The following TRPC7 variants were observed in gnomAD, a reference collection of about 807,000 sequenced individuals.
The protein encoded by TRPC7 is transient receptor potential cation channel subfamily C member 7, also known as short transient receptor potential channel 7.
Under a neutral mutation model 90.1 loss-of-function variants are expected in TRPC7, and 42 were observed. The observed-to-expected ratio is 0.47, with a 90% CI of 0.36 to 0.60. TRPC7 has a LOEUF of 0.60. Among genes scored for constraint, TRPC7 ranks in the 20% least tolerant of loss-of-function variants. The probability of loss-of-function intolerance (pLI) is 0.00; values close to 1 mark genes in which losing one functional copy is unlikely to be tolerated. For synonymous variants in TRPC7, 451 were observed against 436.3 expected, an observed-to-expected ratio of 1.03 and a Z score of -0.42; for missense variants, 955 against 1,112.3, an observed-to-expected ratio of 0.86 and a Z score of 2.01.
intron 5 of TRPC7, among the ~76,000 whole-genome samples, chr5:136,260,228 C>G (rs1330466948): frequency 6.6e-6 from 1 of 151,980 alleles, no homozygotes; most frequent in Non-Finnish European, 1.5e-5. Flanking sequence ...GAGTCAGCTA[C>G]AAATCTATGT....
At chr5:136,338,235 A>G (rs1249019504) in intron 2 of TRPC7, among the ~76,000 whole-genome samples, 2 of 152,344 alleles carry the variant, frequency 1.3e-5, no homozygotes, top group African/African-American at 2.4e-5. Context: ...CGATCACACT[A>G]CTAAGCATTT....
chr5:136,226,794 CAGT>C (rs1755644633), intron 8 of TRPC7, among the ~76,000 whole-genome samples: 2 of 152,140 alleles, frequency 1.3e-5, no homozygotes, highest in South Asian at 4.1e-4. Flanking sequence ...ATATTTAATG[CAGT>C]AGATCAAAAA....
intron 7 of TRPC7, among the ~76,000 whole-genome samples, chr5:136,237,386 T>C (rs2149799682): frequency 6.6e-6 from 1 of 152,356 alleles, no homozygotes; most frequent in East Asian, 1.9e-4. Context: ...GAAGAAGCTG[T>C]GTTTTCTTCA....
chr5:136,236,893 A>C (rs1430793486), intron 7 of TRPC7, among the ~76,000 whole-genome samples: 1 of 152,222 alleles, frequency 6.6e-6, no homozygotes, highest in Non-Finnish European at 1.5e-5. Flanking sequence ...ATCATCATAT[A>C]GCAGGCTAAA....
chr5:136,302,612 A>G (rs912632128), intron 3 of TRPC7, among the ~76,000 whole-genome samples: 1 of 152,004 alleles, frequency 6.6e-6, no homozygotes, highest in Non-Finnish European at 1.5e-5. Context: ...GTTCTTAAGA[A>G]CTTAAAACCT....
chr5:136,258,521 C>T (rs1756756445), intron 5 of TRPC7, among the ~76,000 whole-genome samples: 1 of 152,302 alleles, frequency 6.6e-6, no homozygotes, highest in Middle Eastern at 3.4e-3. Flanking sequence ...CAAAATTTCC[C>T]TCACTCAGGG....
Position 136,275,591 on chromosome 5 carries a change from C to T in TRPC7, c.964-754G>A, listed in dbSNP as rs541065221. 6.6e-5 allele frequency among the ~76,000 whole-genome samples: 10 copies of T among 152,212 alleles called. No individual in the cohort carries two copies. The East Asian group carries it at 1.9e-3, about 29-fold the overall frequency. On this transcript the variant is annotated intron_variant, in intron 3 of 11. Transcript: ENST00000513104. ...TCCTTCTGGGACATCACACACCCTT[C>T]TTACCACTACTTCTCTCTCTTGGAA...
chr5:136,356,945 T>A lies in TRPC7; in HGVS notation c.443A>T (p.Asp148Val). ...TLSPLEQELR[D>V]DDFYAYDEDG... ...CTCGTCGTAGGCATAGAAGTCGTCG[T>A]CGCGCAGCTCCTGTTCCAGCGGGCT... The change falls in exon 2 of 12, where the codon GAC (aspartate) becomes GTC (valine). Residue 148 changes from aspartate to valine, a missense_variant. Transcript: ENST00000513104. 6.2e-7 allele frequency: 1 copy of A among 1,612,964 alleles called. No homozygotes were observed. The highest frequency in any genetic ancestry group is 1.1e-5 in the South Asian group (1 of 91,048).
At chr5:136,228,306 G>C (rs1195490189) in intron 8 of TRPC7, among the ~76,000 whole-genome samples, 2 of 151,510 alleles carry the variant, frequency 1.3e-5, no homozygotes, top group African/African-American at 4.9e-5. Context: ...GGGGGGTAGG[G>C]AATTTGTAAG....
chr5:136,269,110 A>G (rs899364298), intron 4 of TRPC7, among the ~76,000 whole-genome samples: 10 of 152,202 alleles, frequency 6.6e-5, no homozygotes, highest in Non-Finnish European at 1.5e-4. Flanking sequence ...AGGTGTAAAA[A>G]GAGATGAAGA....
At chr5:136,251,302 C>T (rs547605817) in intron 6 of TRPC7, among the ~76,000 whole-genome samples, 2 of 152,270 alleles carry the variant, frequency 1.3e-5, no homozygotes, top group African/African-American at 4.8e-5. Context: ...ATCCCTTTAG[C>T]GCTCCTGGAT....
At chr5:136,290,479 A>T (rs1757901788) in intron 3 of TRPC7, among the ~76,000 whole-genome samples, 1 of 152,232 alleles carries the variant, frequency 6.6e-6, no homozygotes, top group Admixed American at 6.5e-5. Flanking sequence ...ACGGCATGAG[A>T]ACTATGTGAC....
At position 136,226,036 on chromosome 5, in the gene TRPC7, T is replaced by C; in HGVS notation, c.2260A>G (p.Lys754Glu). The change falls in exon 9 of 12, where the codon AAG (lysine) becomes GAG (glutamate). Residue 754 changes from lysine to glutamate, a missense_variant and splice_region_variant. Around this residue, in one of 4 missense-constraint regions of TRPC7, gnomAD observed 296 missense variants for 422.7 expected, o/e 0.70. Coordinates refer to ENST00000513104, the MANE Select transcript of TRPC7 (RefSeq NM_020389.3). ...CTCATAAACCACATGCTACCTACCT[T>C]GAATTTGGAATTCAGCATGCCCATT... ...LEMGMLNSKF[K>E]KTRYQAGMRN... is the part of the protein sequence containing the mutation. 6.3e-7 allele frequency: 1 copy of C among 1,588,582 alleles called. No individual in the cohort carries two copies. The highest frequency in any genetic ancestry group is 1.1e-5 in the South Asian group (1 of 87,088).
chr5:136,218,509 C>G (rs1755348754), intron 10 of TRPC7, among the ~76,000 whole-genome samples: 1 of 152,176 alleles, frequency 6.6e-6, no homozygotes, highest in African/African-American at 2.4e-5. Flanking sequence ...AATTAAAGAG[C>G]TTTACTGTTT....
intron 3 of TRPC7, among the ~76,000 whole-genome samples, chr5:136,278,067 G>T (rs563149724): frequency 1.3e-5 from 2 of 152,344 alleles, no homozygotes; most frequent in African/African-American, 4.8e-5. Context: ...GTGAGGGAGG[G>T]ACTGGAGAGG....
At chr5:136,226,432 C>G (rs563264612) in intron 8 of TRPC7, 177 bp from the exon 9 acceptor site, 7 of 600,128 alleles carry the variant, frequency 1.2e-5, no homozygotes, top group South Asian at 2.1e-5. Context: ...TAAAACCATG[C>G]ACAATGGTCA....
intron 2 of TRPC7, among the ~76,000 whole-genome samples, chr5:136,330,374 A>AT (rs1390277974): frequency 6.6e-6 from 1 of 152,186 alleles, no homozygotes; most frequent in Non-Finnish European, 1.5e-5. Flanking sequence ...TACTATCATC[A>AT]TTTTTGTCTT....
chr5:136,264,113 C>T (rs1756949178), intron 5 of TRPC7, among the ~76,000 whole-genome samples: 1 of 152,208 alleles, frequency 6.6e-6, no homozygotes, highest in Non-Finnish European at 1.5e-5. Flanking sequence ...GAATTCTGCT[C>T]TGAGGGTCAG....
At chr5:136,291,075 A>C (rs1287610869) in intron 3 of TRPC7, among the ~76,000 whole-genome samples, 6 of 152,228 alleles carry the variant, frequency 3.9e-5, no homozygotes, top group Non-Finnish European at 2.9e-5. Context: ...AAAATCCTTT[A>C]CAGAGAAGCA....
Sources: allele counts gnomAD v4.1 joint callset (sites outside exome capture counted in the v4.1 genomes callset), GRCh38; gene constraint gnomAD v4.1.1; regional missense constraint gnomAD v4.1.1; transcripts MANE v1.5; gene names NCBI Gene and HGNC (gene_info 2026-07-23, HGNC 2026-07-21).